The following KLHL8 variants were observed in gnomAD, a reference collection of about 807,000 sequenced individuals.
KLHL8 encodes kelch like family member 8.
KLHL8 carries 38 observed loss-of-function variants against 63.5 expected under a neutral mutation model. The observed-to-expected ratio is 0.60, with a 90% confidence interval of 0.46 to 0.78. KLHL8 has a LOEUF of 0.78. KLHL8 is among the 30% of genes least tolerant of loss of function. The pLI, the probability that KLHL8 is intolerant of heterozygous loss-of-function variation, is 0.00. For missense variants in KLHL8, 566 were observed against 752.4 expected, an observed-to-expected ratio of 0.75 and a Z score of 2.90; for synonymous variants, 224 against 254.3, an observed-to-expected ratio of 0.88 and a Z score of 1.13.
At chr4:87,212,598 T>A (rs577553055) in intron 1 of KLHL8, among the ~76,000 whole-genome samples, 12 of 151,710 alleles carry the variant, frequency 7.9e-5, no homozygotes, top group South Asian at 4.2e-4. Flanking sequence ...AAAAAAAAAA[T>A]TTTCTTAACA....
chr4:87,198,413 C>G (rs1251672862), intron 1 of KLHL8, among the ~76,000 whole-genome samples: 1 of 152,130 alleles, frequency 6.6e-6, no homozygotes, highest in African/African-American at 2.4e-5. Context: ...GATTTAAACT[C>G]AACAATATCA....
rs1258779854 is a variant in KLHL8, at chr4:87,165,107, G to GCACA, written c.1538-1029_1538-1028insTGTG. Among the ~76,000 whole-genome samples, 193 of 133,016 alleles carry GCACA rather than the reference G, an allele frequency of 1.5e-3. 1 individual carries two copies. The highest frequency in any genetic ancestry group is 2.3e-3 in the Admixed American group (26 of 11,218). 87.3% of individuals were successfully genotyped at this position (133,016 alleles called of 152,430 possible). ...GACGCTTGCAGTGAGCCGAGATTGT[G>GCACA]CCACTGCACTCCAGCCTGGGCGACA... is the stretch of plus-strand genomic sequence containing the variant. On this transcript the variant is annotated intron_variant, in intron 8 of 9. Coordinates refer to ENST00000273963, the MANE Select transcript of KLHL8 (RefSeq NM_020803.5).
At chr4:87,170,667 A>C in intron 6 of KLHL8, 52 bp from the exon 7 acceptor site, 1 of 1,500,560 alleles carries the variant, frequency 6.7e-7, no homozygotes, top group Non-Finnish European at 9.1e-7. Flanking sequence ...TCCAGGAAAA[A>C]AAGTCATATA....
chr4:87,226,899 A>AATAT (rs1475470666), intron 1 of KLHL8, among the ~76,000 whole-genome samples: 3 of 37,786 alleles, frequency 7.9e-5, no homozygotes, highest in Non-Finnish European at 1.4e-4. Context: ...ATATATAAAT[A>AATAT]ATATATAATA....
At chr4:87,199,155 C>T (rs1731814711) in intron 1 of KLHL8, among the ~76,000 whole-genome samples, 2 of 152,014 alleles carry the variant, frequency 1.3e-5, no homozygotes, top group Admixed American at 1.3e-4. Flanking sequence ...AGAAAGAAGA[C>T]ACACCACGCC....
chr4:87,173,524 A>C (rs1409947144), intron 6 of KLHL8, among the ~76,000 whole-genome samples: 1 of 152,204 alleles, frequency 6.6e-6, no homozygotes, highest in African/African-American at 2.4e-5. Context: ...GGAAAGATGA[A>C]ATAAAAAAAT....
At chr4:87,187,012 T>C (rs980491922) in intron 2 of KLHL8, among the ~76,000 whole-genome samples, 10 of 152,020 alleles carry the variant, frequency 6.6e-5, no homozygotes, top group Middle Eastern at 3.2e-3. Flanking sequence ...ACCTTAATTA[T>C]TGAAAAATCA....
rs188835671 is a variant in KLHL8, at chr4:87,207,812, T to C, written c.-151-12122A>G. On this transcript the variant is annotated intron_variant, in intron 1 of 9. Transcript: ENST00000273963. ...GTCACCACTGCCAAGGTGTCGGTCA[T>C]TAACCTGACCTGCCATCTGGAAAAA... The C allele has an allele frequency of 2.9e-4, 318 of 1,084,644 alleles. 3 individuals carry two copies. The East Asian group carries it at 6.4e-3, about 22-fold the overall frequency. 67.2% of individuals were successfully genotyped at this position (1,084,644 alleles called of 1,614,324 possible). A position where few individuals can be genotyped will look rare whatever the true frequency, so the allele number is the denominator to read the frequency against.
chr4:87,169,983 T>C (rs1730574014), intron 8 of KLHL8, 96 bp downstream of exon 8: 1 of 934,478 alleles, frequency 1.1e-6, no homozygotes, highest in Admixed American at 2.3e-5. Context: ...GGACCGATTC[T>C]ACTTAAGGCT....
chr4:87,177,560 GCACA>G (rs148227275), intron 5 of KLHL8, among the ~76,000 whole-genome samples: 1 of 150,100 alleles, frequency 6.7e-6, no homozygotes, highest in Non-Finnish European at 1.5e-5. Flanking sequence ...TATAAACTGT[GCACA>G]CACACACACA....
At chr4:87,200,161 G>GA (rs1204286144) in intron 1 of KLHL8, among the ~76,000 whole-genome samples, 23 of 103,400 alleles carry the variant, frequency 2.2e-4, no homozygotes, top group South Asian at 3.3e-4. Flanking sequence ...AAAAAAAAAA[G>GA]AAAAAAAAAA....
chr4:87,169,052 C>T (rs1730535667), intron 8 of KLHL8, among the ~76,000 whole-genome samples: 1 of 151,634 alleles, frequency 6.6e-6, no homozygotes, highest in Admixed American at 6.6e-5. Context: ...TGCCTGTAAT[C>T]CCAGCACTTT....
At chr4:87,218,808 C>G (rs1269632678) in intron 1 of KLHL8, among the ~76,000 whole-genome samples, 1 of 152,008 alleles carries the variant, frequency 6.6e-6, no homozygotes, top group Non-Finnish European at 1.5e-5. Flanking sequence ...GATCTCGGTT[C>G]ACTGCAACCT....
rs925164762 is a variant in KLHL8 at position 87,161,491 on chromosome 4, T to G, written c.*2028A>C. ...ACCATTGTATAGTAAAAACCAGAAA[T>G]GAAAATATAATAACCCTTATAACTC... is the stretch of plus-strand genomic sequence containing the variant. On this transcript the variant is annotated 3_prime_UTR_variant, in exon 10 of 10. Coordinates refer to ENST00000273963, the MANE Select transcript of KLHL8 (RefSeq NM_020803.5). 1 of 152,042 alleles carries G rather than the reference T, an allele frequency of 6.6e-6. No individual in the cohort carries two copies. The highest frequency in any genetic ancestry group is 1.5e-5 in the Non-Finnish European group (1 of 68,002). 9.4% of individuals were successfully genotyped at this position (152,042 alleles called of 1,614,324 possible). A position where few individuals can be genotyped will look rare whatever the true frequency, so the allele number is the denominator to read the frequency against.
intron 1 of KLHL8, among the ~76,000 whole-genome samples, chr4:87,213,666 C>CA (rs1186956916): frequency 2.6e-5 from 4 of 152,188 alleles, no homozygotes; most frequent in African/African-American, 9.7e-5. Flanking sequence ...AAGAACACAG[C>CA]ATGGCTGTGT....
At position 87,162,157 on chromosome 4, in the gene KLHL8, C is replaced by T. The variant is rs959436007; in HGVS notation, c.*1362G>A. 5 of 152,076 alleles carry T rather than the reference C, an allele frequency of 3.3e-5. No homozygotes were observed. The highest frequency in any genetic ancestry group is 2.6e-4 in the Admixed American group (4 of 15,264). 9.4% of individuals were successfully genotyped at this position (152,076 alleles called of 1,614,324 possible). On this transcript the variant is annotated 3_prime_UTR_variant, in exon 10 of 10. Coordinates refer to ENST00000273963, the MANE Select transcript of KLHL8 (RefSeq NM_020803.5). Reference sequence around the variant, plus strand: ...GACCAGCGGTGAACTACAATAAATTCGAAGACACAACTAACAAAAACTTAG... The same window carrying T: ...GACCAGCGGTGAACTACAATAAATTTGAAGACACAACTAACAAAAACTTAG...
At chr4:87,187,391 T>C (rs931265849) in intron 2 of KLHL8, among the ~76,000 whole-genome samples, 1 of 149,976 alleles carries the variant, frequency 6.7e-6, no homozygotes, top group Non-Finnish European at 1.5e-5. Context: ...TAAAAAGATC[T>C]CATCTTTTTT....
At chr4:87,172,785 A>C (rs1730683159) in intron 6 of KLHL8, among the ~76,000 whole-genome samples, 2 of 151,984 alleles carry the variant, frequency 1.3e-5, no homozygotes, top group Non-Finnish European at 2.9e-5. Context: ...AATTACAATA[A>C]CCCTTTTTGG....
Position 87,160,457 on chromosome 4 carries a change from G to GT in KLHL8, c.*3061dup, listed in dbSNP as rs1730114637. On this transcript the variant is annotated 3_prime_UTR_variant, in exon 10 of 10. Coordinates refer to ENST00000273963, the MANE Select transcript of KLHL8 (RefSeq NM_020803.5). ...AAAAAGAAACAAAGAAAATTCTCAA[G>GT]TTTACCATTTACAAGAATAGTTTAT... is the stretch of plus-strand genomic sequence containing the variant. 1 of 152,102 alleles carries GT rather than the reference G, an allele frequency of 6.6e-6. No homozygotes were observed. Among genetic ancestry groups the GT allele is most frequent in the Non-Finnish European group, 1.5e-5 (1 of 67,994 alleles). 9.4% of individuals were successfully genotyped at this position (152,102 alleles called of 1,614,324 possible). A position where few individuals can be genotyped will look rare whatever the true frequency, so the allele number is the denominator to read the frequency against.
Sources: gnomAD v4.1 joint callset for allele counts (sites outside exome capture counted in the v4.1 genomes callset) on GRCh38, gnomAD v4.1.1 for gene constraint, MANE v1.5 for transcripts, NCBI Gene and HGNC (gene_info 2026-07-23, HGNC 2026-07-21) for gene names.